Variants in GRID2 observed in about 807,000 individuals in gnomAD.
GRID2 encodes the protein glutamate receptor ionotropic, delta-2.
A neutral mutation model predicts 114.8 loss-of-function variants in GRID2; 33 were observed. That is an observed-to-expected ratio of 0.29 (90% CI 0.22 to 0.38). The LOEUF (loss-of-function observed/expected upper bound fraction) is 0.38. Among genes scored for constraint, GRID2 ranks in the 10% least tolerant of loss-of-function variants. The pLI, the probability that GRID2 is intolerant of heterozygous loss-of-function variation, is 1.00. For missense variants in GRID2, 1,184 were observed against 1,257.7 expected (o/e 0.94, Z 0.89); for synonymous variants, 505 against 449.9 (o/e 1.12, Z -1.55).
At chr4:93,033,013 A>G (rs1330524294) in intron 2 of GRID2, among the ~76,000 whole-genome samples, 2 of 152,226 alleles carry the variant, frequency 1.3e-5, no homozygotes, top group Non-Finnish European at 2.9e-5. Context: ...CTTGTGTCAA[A>G]TGACATAAAG....
chr4:92,517,958 G>A (rs1440717286), intron 1 of GRID2, among the ~76,000 whole-genome samples: 1 of 151,772 alleles, frequency 6.6e-6, no homozygotes, highest in Non-Finnish European at 1.5e-5. Context: ...GCAATAACAA[G>A]ATTTTATAAG....
At chr4:92,525,657 G>A (rs377611932) in intron 1 of GRID2, among the ~76,000 whole-genome samples, 1 of 152,104 alleles carries the variant, frequency 6.6e-6, no homozygotes, top group Non-Finnish European at 1.5e-5. Context: ...TAAGAGGAAT[G>A]AGAATAAAGA....
At chr4:93,306,146 A>ATG (rs1755399914) in intron 8 of GRID2, 1 of 152,212 alleles carries the variant, frequency 6.6e-6, no homozygotes, top group African/African-American at 2.4e-5. Flanking sequence ...CAACAACAAA[A>ATG]TGTTCTTTCC....
chr4:93,056,456 C>A (rs1188289577), intron 2 of GRID2, among the ~76,000 whole-genome samples: 1 of 151,726 alleles, frequency 6.6e-6, no homozygotes, highest in Non-Finnish European at 1.5e-5. Context: ...CACTTTAATG[C>A]TGCATAGACT....
rs1560862191 is a variant in GRID2, at chr4:93,085,018, A to G, written c.268A>G (p.Ile90Val). The stretch of plus-strand genomic sequence containing the variant: ...AGCCTGTGAACTTATGAATCAAGGC[A>G]TCTTGGCCCTGGTCAGCTCCATTGG... Reference protein sequence around the residue: ...QEACELMNQGILALVSSIGCT... With the variant: ...QEACELMNQGVLALVSSIGCT... Residue 90 changes from isoleucine (I) to valine (V), a missense_variant, in exon 3 of 16, where the codon ATC (isoleucine) becomes GTC (valine). Coordinates refer to ENST00000282020, the MANE Select transcript of GRID2 (RefSeq NM_001510.4). 4 of 1,614,096 alleles carry G rather than the reference A, an allele frequency of 2.5e-6. No individual in the cohort carries two copies. The highest frequency in any genetic ancestry group is 3.4e-6 in the Non-Finnish European group (4 of 1,179,930).
intron 1 of GRID2, among the ~76,000 whole-genome samples, chr4:92,399,663 C>CTATA (rs1209369672): frequency 3.8e-5 from 5 of 131,718 alleles, no homozygotes; most frequent in South Asian, 2.3e-4. Flanking sequence ...CTCTCTCTCT[C>CTATA]TCTATATATA....
At chr4:93,006,494 T>C (rs1004682338) in intron 2 of GRID2, among the ~76,000 whole-genome samples, 2 of 151,928 alleles carry the variant, frequency 1.3e-5, no homozygotes, top group Non-Finnish European at 2.9e-5. Flanking sequence ...TGGGAAGATA[T>C]GGTTTCTGGG....
intron 2 of GRID2, among the ~76,000 whole-genome samples, chr4:93,083,352 AAC>A (rs1730043509): frequency 6.6e-6 from 1 of 152,102 alleles, no homozygotes; most frequent in African/African-American, 2.4e-5. Context: ...ACATGACTAG[AAC>A]ATATGATTTT....
chr4:93,459,180 CAAAAAAAAAAAA>C (rs57937928), intron 11 of GRID2, among the ~76,000 whole-genome samples: 10 of 50,030 alleles, frequency 2.0e-4, no homozygotes, highest in Admixed American at 3.6e-4. Flanking sequence ...AACTCCATCT[CAAAAAAAAAAAA>C]AAAAAAAAAA....
intron 2 of GRID2, among the ~76,000 whole-genome samples, chr4:92,708,205 T>A (rs1560544426): frequency 1.3e-5 from 2 of 152,220 alleles, no homozygotes; most frequent in Admixed American, 1.3e-4. Context: ...ACTTAAATTT[T>A]AAAGGAAAGA....
intron 9 of GRID2, among the ~76,000 whole-genome samples, chr4:93,409,933 A>G (rs1034054229): frequency 2.0e-5 from 3 of 152,212 alleles, no homozygotes; most frequent in African/African-American, 7.2e-5. Context: ...TTGTCTCTAG[A>G]AGTTTAGAGA....
intron 2 of GRID2, among the ~76,000 whole-genome samples, chr4:92,986,907 A>G (rs1465050832): frequency 2.6e-5 from 4 of 152,178 alleles, no homozygotes; most frequent in Non-Finnish European, 5.9e-5. Context: ...GTGAGTTGAC[A>G]GAAACTGAGT....
chr4:92,692,063 G>T (rs1272927215), intron 2 of GRID2, among the ~76,000 whole-genome samples: 1 of 152,052 alleles, frequency 6.6e-6, no homozygotes, highest in Non-Finnish European at 1.5e-5. Context: ...TGTAAATACT[G>T]GTTACTATTC....
chr4:93,377,934 T>C (rs1255018698), intron 8 of GRID2, among the ~76,000 whole-genome samples: 1 of 152,196 alleles, frequency 6.6e-6, no homozygotes, highest in African/African-American at 2.4e-5. Context: ...CATGTATATC[T>C]TGACTTATGT....
intron 1 of GRID2, among the ~76,000 whole-genome samples, chr4:92,365,334 A>G (rs1222951898): frequency 6.6e-6 from 1 of 152,114 alleles, no homozygotes. Context: ...TTGGGATGGC[A>G]TGGATGAATC....
intron 2 of GRID2, among the ~76,000 whole-genome samples, chr4:93,033,668 C>G (rs1000452739): frequency 1.3e-5 from 2 of 152,108 alleles, no homozygotes; most frequent in Non-Finnish European, 2.9e-5. Context: ...TCCTCTCTAT[C>G]TCCATTCCTC....
chr4:92,410,753 T>G (rs931756215), intron 1 of GRID2, among the ~76,000 whole-genome samples: 4 of 151,998 alleles, frequency 2.6e-5, no homozygotes, highest in African/African-American at 7.3e-5. Context: ...TTTTTCAGAA[T>G]TCAGAAAAAA....
intron 1 of GRID2, among the ~76,000 whole-genome samples, chr4:92,423,579 AAT>A (rs1375107667): frequency 6.6e-6 from 1 of 152,180 alleles, no homozygotes; most frequent in Non-Finnish European, 1.5e-5. Flanking sequence ...TGTACAACTT[AAT>A]AAGAGAAGTG....
At chr4:92,639,347 T>G (rs1291002011) in intron 2 of GRID2, among the ~76,000 whole-genome samples, 1 of 151,850 alleles carries the variant, frequency 6.6e-6, no homozygotes, top group Non-Finnish European at 1.5e-5. Context: ...ATCTAATATT[T>G]GCTACAGTTA....
Sources: gnomAD v4.1 joint callset for allele counts (sites outside exome capture counted in the v4.1 genomes callset) on GRCh38, gnomAD v4.1.1 for gene constraint, MANE v1.5 for transcripts, NCBI Gene and HGNC (gene_info 2026-07-23, HGNC 2026-07-21) for gene names.